Variants in RAB27B observed in about 807,000 individuals in gnomAD.
RAB27B encodes ras-related protein Rab-27B.
A neutral mutation model predicts 24.6 loss-of-function variants in RAB27B; 15 were observed. The ratio of observed to expected loss-of-function variants is 0.61; its 90% confidence interval spans 0.41 to 0.94. The LOEUF is 0.94. RAB27B is among the 40% of genes least tolerant of loss of function. RAB27B has a pLI of 0.00. For missense variants in RAB27B, 261 were observed against 266.8 expected (o/e 0.98, Z 0.15); for synonymous variants, 105 against 92.5 (o/e 1.14, Z -0.78).
chr18:54,849,000 A>G (rs966593373), intron 1 of RAB27B, among the ~76,000 whole-genome samples: 1 of 152,226 alleles, frequency 6.6e-6, no homozygotes, highest in Non-Finnish European at 1.5e-5. Flanking sequence ...ATATGGACAA[A>G]TGGAGCCATC....
chr18:54,836,053 A>G (rs1429861644), intron 1 of RAB27B, among the ~76,000 whole-genome samples: 3 of 151,946 alleles, frequency 2.0e-5, no homozygotes, highest in Non-Finnish European at 4.4e-5. Flanking sequence ...AAAAATGGAT[A>G]AAGACAGAAC....
chr18:54,807,914 T>C (rs572247211), intron 2 of RAB27B, among the ~76,000 whole-genome samples: 4 of 152,198 alleles, frequency 2.6e-5, no homozygotes, highest in South Asian at 2.1e-4. Context: ...ATCATCTATC[T>C]CTGAACGTAG....
chr18:54,795,079 A>G lies in RAB27B; in HGVS notation c.-20+76938A>G, dbSNP rs534132706. ...TTATCATCTTTATACCAGGATGGAA[A>G]TTGAGCTTTAGAGTGATTTTTTAAA... On this transcript the variant is annotated intron_variant, in intron 2 of 4. Transcript: ENST00000586570. Among the ~76,000 whole-genome samples the G allele has an allele frequency of 2.0e-5, 3 of 152,262 alleles. No individual in the cohort carries two copies. The East Asian group carries it at 5.8e-4, about 29-fold the overall frequency.
At chr18:54,879,088 T>C (rs1912818540) in intron 2 of RAB27B, among the ~76,000 whole-genome samples, 1 of 152,176 alleles carries the variant, frequency 6.6e-6, no homozygotes, top group Non-Finnish European at 1.5e-5. Flanking sequence ...ACCTAGAACT[T>C]GGGTCCTAAA....
chr18:54,785,192 C>T (rs965303878), intron 2 of RAB27B, among the ~76,000 whole-genome samples: 3 of 152,058 alleles, frequency 2.0e-5, no homozygotes, highest in Admixed American at 6.6e-5. Context: ...ACCTTCGCCT[C>T]CCAGGTTCAA....
At chr18:54,851,617 A>T (rs1911592996) in intron 1 of RAB27B, among the ~76,000 whole-genome samples, 1 of 152,198 alleles carries the variant, frequency 6.6e-6, no homozygotes, top group Non-Finnish European at 1.5e-5. Flanking sequence ...CCTGAATTTT[A>T]TTGGCTAAAC....
intron 1 of RAB27B, among the ~76,000 whole-genome samples, chr18:54,876,294 T>C (rs1010550019): frequency 6.6e-6 from 1 of 152,164 alleles, no homozygotes; most frequent in Non-Finnish European, 1.5e-5. Flanking sequence ...GGATTACAAT[T>C]CAAGATGAGA....
chr18:54,864,487 A>G (rs1468952511), intron 1 of RAB27B, among the ~76,000 whole-genome samples: 1 of 146,074 alleles, frequency 6.8e-6, no homozygotes, highest in Non-Finnish European at 1.5e-5. Flanking sequence ...TTGAAGCACA[A>G]AAGTTTTTAT....
At chr18:54,877,785 T>C (rs761638374) in intron 2 of RAB27B, 47 bp downstream of exon 2, 1 of 1,506,870 alleles carries the variant, frequency 6.6e-7, no homozygotes, top group East Asian at 2.6e-5. Flanking sequence ...TCCCCCTATA[T>C]AAAATAAGAA....
chr18:54,801,201 T>A (rs1431033168), intron 2 of RAB27B, among the ~76,000 whole-genome samples: 1 of 151,782 alleles, frequency 6.6e-6, no homozygotes, highest in Non-Finnish European at 1.5e-5. Flanking sequence ...TTAGTAGAGA[T>A]GGGGTTTTTT....
At chr18:54,793,721 A>G (rs139549965) in intron 2 of RAB27B, among the ~76,000 whole-genome samples, 178 of 152,348 alleles carry the variant, frequency 1.2e-3, no homozygotes, top group African/African-American at 4.0e-3. Context: ...AATTCAGAAC[A>G]TGGCACACTG....
At chr18:54,852,788 T>C (rs973643886) in intron 1 of RAB27B, among the ~76,000 whole-genome samples, 7 of 152,222 alleles carry the variant, frequency 4.6e-5, no homozygotes, top group Non-Finnish European at 8.8e-5. Flanking sequence ...ATCATATCCA[T>C]GTCTTGATGT....
At chr18:54,832,877 A>G (rs1910740599) in intron 1 of RAB27B, among the ~76,000 whole-genome samples, 1 of 152,196 alleles carries the variant, frequency 6.6e-6, no homozygotes. Flanking sequence ...TTCTCAATAT[A>G]AGATATTCAG....
At chr18:54,737,229 A>G (rs930935880) in intron 2 of RAB27B, among the ~76,000 whole-genome samples, 3 of 152,158 alleles carry the variant, frequency 2.0e-5, no homozygotes, top group Non-Finnish European at 4.4e-5. Context: ...TATGCACACA[A>G]GGCTTCTTCC....
rs541563256 is a variant in RAB27B, at chr18:54,779,921, T to C, written c.-20+61780T>C. ...CCCCCTCACCCTCTCTACCGTCTCCTGACTGCTTCTCCCTCACCATGTCCC... is the reference window on the plus strand; with the variant it reads ...CCCCCTCACCCTCTCTACCGTCTCCCGACTGCTTCTCCCTCACCATGTCCC... On this transcript the variant is annotated intron_variant, in intron 2 of 4. Transcript: ENST00000586570. Among the ~76,000 whole-genome samples the C allele has an allele frequency of 8.7e-4, 131 of 150,340 alleles. 1 individual carries two copies. The highest frequency in any genetic ancestry group is 3.1e-3 in the African/African-American group (125 of 40,798).
At chr18:54,751,726 G>A (rs1370472765) in intron 2 of RAB27B, among the ~76,000 whole-genome samples, 1 of 152,176 alleles carries the variant, frequency 6.6e-6, no homozygotes, top group Non-Finnish European at 1.5e-5. Flanking sequence ...CCAGGTGCTG[G>A]AGGAAGATGT....
intron 3 of RAB27B, among the ~76,000 whole-genome samples, chr18:54,882,329 G>C (rs921737973): frequency 3.3e-5 from 5 of 151,952 alleles, no homozygotes; most frequent in African/African-American, 1.2e-4. Flanking sequence ...CAAATATTTA[G>C]TGAGCAAATA....
intron 2 of RAB27B, among the ~76,000 whole-genome samples, chr18:54,787,085 C>T (rs1359153478): frequency 6.6e-6 from 1 of 152,198 alleles, no homozygotes; most frequent in Non-Finnish European, 1.5e-5. Context: ...CCTCCCAGTA[C>T]TAAAGACGGA....
intron 2 of RAB27B, among the ~76,000 whole-genome samples, chr18:54,742,406 A>C (rs903167967): frequency 6.6e-6 from 1 of 152,212 alleles, no homozygotes; most frequent in African/African-American, 2.4e-5. Context: ...CTAAAAGTAC[A>C]TGTACATGAT....
Sources: allele counts gnomAD v4.1 joint callset (sites outside exome capture counted in the v4.1 genomes callset), GRCh38; gene constraint gnomAD v4.1.1; transcripts MANE v1.5; gene names NCBI Gene and HGNC (gene_info 2026-07-23, HGNC 2026-07-21).